The following ABCG4 variants were observed in gnomAD, a reference collection of about 807,000 sequenced individuals.
ABCG4 encodes ATP binding cassette subfamily G member 4, also known as ATP-binding cassette sub-family G member 4.
Under a neutral mutation model 64.6 loss-of-function variants are expected in ABCG4, and 35 were observed. The ratio of observed to expected loss-of-function variants is 0.54; its 90% CI spans 0.41 to 0.72. The LOEUF (loss-of-function observed/expected upper bound fraction) is 0.72. Ranked by LOEUF, ABCG4 falls within the 30% of genes least tolerant of loss-of-function variation. The pLI is 0.00. For missense variants in ABCG4, 610 were observed against 846.3 expected (o/e 0.72, Z 3.46); for synonymous variants, 326 against 348.2 (o/e 0.94, Z 0.71).
rs779442281 is a variant in ABCG4 at position 119,158,446 on chromosome 11, C to T, written c.1168-111C>T. 2.6e-6 allele frequency: 4 copies of T among 1,555,032 alleles called. No individual in the cohort carries two copies. The East Asian group carries it at 9.0e-5, about 35-fold the overall frequency. On this transcript the variant is annotated intron_variant, in intron 10 of 14. Coordinates refer to ENST00000619701, the MANE Select transcript of ABCG4 (RefSeq NM_022169.5). This position sits in a 1 kb window ranked among gnomAD's most constrained non-coding sequence, Gnocchi z 4.5. ...CCTCCCTCACAGCCCTGCAATGTGC[C>T]TGTGGGGTCTCTGTGCCTGTGAGGG...
In ABCG4 at chr11:119,154,573, C is replaced by T; in HGVS notation, c.538C>T (p.Leu180=). ...LSEKQEVKKE[L]VTEILTALGL... is the part of the protein sequence containing the mutation. ...TGAGAAGCAGGAGGTGAAGAAGGAG[C>T]TGGTGAGTGGGGAAGGGAGGCAGTG... Residue 180 remains leucine, a splice_region_variant and synonymous_variant, in exon 5 of 15, where the codon CTG becomes TTG. Transcript: ENST00000619701. This position sits in a 1 kb window ranked among gnomAD's most constrained non-coding sequence, Gnocchi z 7.0. The T allele has an allele frequency of 6.2e-7, 1 of 1,613,256 alleles. No homozygotes were observed. The highest frequency in any genetic ancestry group is 8.5e-7 in the Non-Finnish European group (1 of 1,179,712).
At chr11:119,153,922 T>G (rs1398235185) in intron 2 of ABCG4, 104 bp from the exon 3 acceptor site, 2 of 951,870 alleles carry the variant, frequency 2.1e-6, no homozygotes, top group Non-Finnish European at 1.7e-6. Flanking sequence ...TCACACTGAG[T>G]AGGGGCTACC....
In ABCG4 at chr11:119,155,618, G is replaced by A. The variant is rs4938633; in HGVS notation, c.686+703G>A. 0.11 allele frequency: 16,791 copies of A among 152,726 alleles called. 1,218 individuals carry two copies. Among genetic ancestry groups the A allele is most frequent in the South Asian group, 0.3 (1,454 of 4,834 alleles). The allele number at this position is 152,726 out of a possible 1,614,324, so 9.5% of individuals were successfully genotyped here. A position where few individuals can be genotyped will look rare whatever the true frequency, so the allele number is the denominator to read the frequency against. ...ATTACAGGCGTGAGCCACCGTGCCC[G>A]GACAGAGTGAACTTTCTAAAGACAA... On this transcript the variant is annotated intron_variant, in intron 6 of 14. Transcript: ENST00000619701. The surrounding 1 kb of genome is among the most constrained non-coding windows in gnomAD (Gnocchi z 4.5).
chr11:119,162,030 G>C lies in ABCG4; in HGVS notation c.*924G>C, dbSNP rs1398071137. ...ACTTGCCATCCCCTACAGCACAGAG[G>C]AAGAGTGATGGTGGCATGCTGGTGG... On this transcript the variant is annotated 3_prime_UTR_variant, in exon 15 of 15. Transcript: ENST00000619701. 6.5e-6 allele frequency: 1 copy of C among 153,452 alleles called. No homozygotes were observed. The highest frequency in any genetic ancestry group is 1.5e-5 in the Non-Finnish European group (1 of 68,646). 9.5% of individuals were successfully genotyped at this position (153,452 alleles called of 1,614,324 possible).
In ABCG4 at chr11:119,154,238, T is replaced by A; in HGVS notation, c.357-22T>A. ...TATTCTGAAAGGGCATTGACCCCCATCCTCAACCCACATCCCTGCAGGGAG... is the reference window on the plus strand; with the variant it reads ...TATTCTGAAAGGGCATTGACCCCCAACCTCAACCCACATCCCTGCAGGGAG... On this transcript the variant is annotated intron_variant, in intron 3 of 14. Coordinates refer to ENST00000619701, the MANE Select transcript of ABCG4 (RefSeq NM_022169.5). This position sits in a 1 kb window ranked among gnomAD's most constrained non-coding sequence, Gnocchi z 7.0. 1 of 1,613,708 alleles carries A rather than the reference T, an allele frequency of 6.2e-7. No homozygotes were observed. The highest frequency in any genetic ancestry group is 8.5e-7 in the Non-Finnish European group (1 of 1,179,654).
chr11:119,149,909 G>A lies in ABCG4; in HGVS notation c.-12-45G>A, dbSNP rs1223137825. On this transcript the variant is annotated intron_variant, in intron 1 of 14. Transcript: ENST00000619701. The surrounding 1 kb of genome is among the most constrained non-coding windows in gnomAD (Gnocchi z 8.3). ...TTAGAACGCCAGGGAGCTTTGAGCC[G>A]GGCTCGGTGGTCTGCCCCAAACTGA... The A allele has an allele frequency of 3.8e-6, 6 of 1,563,542 alleles. No homozygotes were observed. In the Admixed American group the frequency reaches 5.4e-5, roughly 14 times the overall value.
Position 119,149,817 on chromosome 11 carries a change from A to G in ABCG4, c.-12-137A>G. The G allele has an allele frequency of 7.6e-7, 1 of 1,321,810 alleles. No homozygotes were observed. Among genetic ancestry groups the G allele is most frequent in the Non-Finnish European group, 1.0e-6 (1 of 992,818 alleles). 81.9% of individuals were successfully genotyped at this position (1,321,810 alleles called of 1,614,324 possible). A position where few individuals can be genotyped will look rare whatever the true frequency, so the allele number is the denominator to read the frequency against. ...CGTGCGGAGAGTGGGGGGCGGGGGC[A>G]GAGTGCGGGGCTAACAGTCGCGGAT... On this transcript the variant is annotated intron_variant, in intron 1 of 14. Coordinates refer to ENST00000619701, the MANE Select transcript of ABCG4 (RefSeq NM_022169.5). The surrounding 1 kb of genome is among the most constrained non-coding windows in gnomAD (Gnocchi z 8.3).
chr11:119,154,105 TGG>T lies in ABCG4; in HGVS notation c.319_320del (p.Gly107GlnfsTer23). Reference sequence around the variant, plus strand: ...TTGGCATCATGGGCCCCTCAGGGGCTGGCAAGTCTACATTCATGAACATCTTG... The same window carrying T: ...TTGGCATCATGGGCCCCTCAGGGGCTCAAGTCTACATTCATGAACATCTTG... The part of the protein sequence containing the change: ...LIGIMGPSGA[G>X]KSTFMNILAG... On this transcript the variant is annotated frameshift_variant, in exon 3 of 15. Coordinates refer to ENST00000619701, the MANE Select transcript of ABCG4 (RefSeq NM_022169.5). LOFTEE classifies it high-confidence loss of function. The surrounding 1 kb of genome is among the most constrained non-coding windows in gnomAD (Gnocchi z 7.0). 1 of 1,614,184 alleles carries T rather than the reference TGG, an allele frequency of 6.2e-7. No individual in the cohort carries two copies.
Position 119,154,911 on chromosome 11 carries a change from A to C in ABCG4, c.682A>C (p.Thr228Pro). 6.2e-7 allele frequency: 1 copy of C among 1,609,530 alleles called. No homozygotes were observed. The highest frequency in any genetic ancestry group is 8.5e-7 in the Non-Finnish European group (1 of 1,176,452). Residue 228 changes from threonine to proline, a missense_variant, in exon 6 of 15, where the codon ACC (threonine) becomes CCC (proline). Thr to Pro is a conservative substitution (Grantham distance 38). Coordinates refer to ENST00000619701, the MANE Select transcript of ABCG4 (RefSeq NM_022169.5). This position sits in a 1 kb window ranked among gnomAD's most constrained non-coding sequence, Gnocchi z 7.0. ...GCCTGTCATGTTCTTTGATGAGCCC[A>C]CCAGGTAGTTCTCTCCACCCTTTCC... ...NPPVMFFDEP[T>P]SGLDSASCFQ...
chr11:119,157,646 C>T (rs886965060), intron 9 of ABCG4, among the ~76,000 whole-genome samples: 9 of 141,910 alleles, frequency 6.3e-5, no homozygotes, highest in Non-Finnish European at 1.1e-4. Flanking sequence ...GAGGCCGAGG[C>T]GGGTGGGTCA....
rs1290250746 is a variant in ABCG4, at chr11:119,150,172, C to T, written c.207C>T (p.Ser69=). ...TCGAGTTCGTGGAGCTGTCCTATTC[C>T]GTGCGGGAGGGGCCCTGCTGGCGCA... The part of the protein sequence containing the change: ...VDIEFVELSY[S]VREGPCWRKR... Residue 69 remains serine (S), a synonymous_variant, in exon 2 of 15, where the codon TCC becomes TCT. Coordinates refer to ENST00000619701, the MANE Select transcript of ABCG4 (RefSeq NM_022169.5). The surrounding 1 kb of genome is among the most constrained non-coding windows in gnomAD (Gnocchi z 4.3). 8 of 1,613,966 alleles carry T rather than the reference C, an allele frequency of 5.0e-6. No individual in the cohort carries two copies. In the African/African-American group the frequency reaches 6.7e-5, roughly 13 times the overall value.
intron 9 of ABCG4, among the ~76,000 whole-genome samples, chr11:119,157,376 C>G (rs1403342604): frequency 6.6e-6 from 1 of 152,204 alleles, no homozygotes. Flanking sequence ...ATGATACTCA[C>G]CTCACAGGGT....
rs574922705 is a variant in ABCG4 at position 119,156,110 on chromosome 11, G to A, written c.687-219G>A. The stretch of plus-strand genomic sequence containing the variant: ...TGCATCATTGTAATCCCAGTGCCTG[G>A]CATACAACAGGTCCTCAATATATGC... On this transcript the variant is annotated intron_variant, in intron 6 of 14. Transcript: ENST00000619701. This position sits in a 1 kb window ranked among gnomAD's most constrained non-coding sequence, Gnocchi z 5.5. 104 of 573,834 alleles carry A rather than the reference G, an allele frequency of 1.8e-4. 1 individual carries two copies. The South Asian group carries it at 2.1e-3, about 12-fold the overall frequency. The allele number at this position is 573,834 out of a possible 1,614,324, so 35.5% of individuals were successfully genotyped here. A position where few individuals can be genotyped will look rare whatever the true frequency, so the allele number is the denominator to read the frequency against.
At chr11:119,151,011 T>C (rs959769929) in intron 2 of ABCG4, among the ~76,000 whole-genome samples, 16 of 152,292 alleles carry the variant, frequency 1.1e-4, no homozygotes, top group Admixed American at 3.3e-4. Flanking sequence ...ACAAATAGGT[T>C]TGGGGTGCTT....
In ABCG4 at chr11:119,153,883, A is replaced by G. The variant is rs115026493; in HGVS notation, c.239-143A>G. The G allele has an allele frequency of 2.8e-3, 2,023 of 714,170 alleles. 29 individuals are homozygous for G. The highest frequency in any genetic ancestry group is 0.015 in the South Asian group (926 of 61,058). 44.2% of individuals were successfully genotyped at this position (714,170 alleles called of 1,614,324 possible). On this transcript the variant is annotated intron_variant, in intron 2 of 14. Coordinates refer to ENST00000619701, the MANE Select transcript of ABCG4 (RefSeq NM_022169.5). ...AGAGGGATGGGTTCCTGCCGGGGCT[A>G]TAAGGGTTGTTCCTCCATCCTAACC... is the stretch of plus-strand genomic sequence containing the variant.
chr11:119,151,849 A>G lies in ABCG4; in HGVS notation c.238+1646A>G, dbSNP rs78896743. ...CTTCTGTGCTGAGCAGTTGTGGGAC[A>G]TGGGTTCCTAGTCACTTATAAGCTG... On this transcript the variant is annotated intron_variant, in intron 2 of 14. Transcript: ENST00000619701. Among the ~76,000 whole-genome samples the G allele has an allele frequency of 2.7e-3, 412 of 152,314 alleles. 5 individuals carry two copies. The highest frequency in any genetic ancestry group is 9.6e-3 in the African/African-American group (398 of 41,578).
intron 2 of ABCG4, chr11:119,153,743 A>C: frequency 2.5e-6 from 1 of 403,664 alleles, no homozygotes; most frequent in South Asian, 3.1e-5. Flanking sequence ...TACAGCTTTG[A>C]TCCCCTCTCC....
chr11:119,161,704 G>A lies in ABCG4; in HGVS notation c.*598G>A, dbSNP rs1445454175. The A allele has an allele frequency of 6.5e-6, 1 of 153,328 alleles. No homozygotes were observed. Among genetic ancestry groups the A allele is most frequent in the African/African-American group, 2.4e-5 (1 of 41,452 alleles). 9.5% of individuals were successfully genotyped at this position (153,328 alleles called of 1,614,324 possible). A position where few individuals can be genotyped will look rare whatever the true frequency, so the allele number is the denominator to read the frequency against. On this transcript the variant is annotated 3_prime_UTR_variant, in exon 15 of 15. Transcript: ENST00000619701. Reference sequence around the variant, plus strand: ...TGCCAGGACAGAAGCTGGGTTTTCTGTCTAGGTCACCACTCCCAATCCTGG... The same window carrying A: ...TGCCAGGACAGAAGCTGGGTTTTCTATCTAGGTCACCACTCCCAATCCTGG...
In ABCG4 at chr11:119,160,078, A is replaced by G. The variant is rs113904368; in HGVS notation, c.1438-149A>G. On this transcript the variant is annotated intron_variant, in intron 12 of 14. Transcript: ENST00000619701. This position sits in a 1 kb window ranked among gnomAD's most constrained non-coding sequence, Gnocchi z 4.6. ...CCAGGGAGGAAGGGGACGTGTGTCA[A>G]TCTGGGGGACAGCTTGAACAAGAAT... The G allele has an allele frequency of 7.9e-3, 6,391 of 813,268 alleles. 241 individuals are homozygous for G. Among genetic ancestry groups the G allele is most frequent in the South Asian group, 0.075 (3,986 of 52,808 alleles). The allele number at this position is 813,268 out of a possible 1,614,324, so 50.4% of individuals were successfully genotyped here.
Sources: allele counts gnomAD v4.1 joint callset (sites outside exome capture counted in the v4.1 genomes callset), GRCh38; gene constraint gnomAD v4.1.1; non-coding constraint Gnocchi (gnomAD v3.1); transcripts MANE v1.5; gene names NCBI Gene and HGNC (gene_info 2026-07-23, HGNC 2026-07-21).